The following EXOC4 variants were observed in gnomAD, a reference collection of about 807,000 sequenced individuals.
The protein encoded by EXOC4 is exocyst complex component 4, also known as SEC8-like 1.
Under a neutral mutation model 107.2 loss-of-function variants are expected in EXOC4, and 71 were observed. That is an observed-to-expected ratio of 0.66 (90% CI 0.55 to 0.81). The LOEUF (loss-of-function observed/expected upper bound fraction) is 0.81, where lower values mean the gene tolerates loss of function less well. EXOC4 is among the 30% of genes least tolerant of loss of function. EXOC4 has a pLI of 0.00. For synonymous variants in EXOC4, 456 were observed against 441.2 expected, an observed-to-expected ratio of 1.03 and a Z score of -0.42; for missense variants, 1,108 against 1,189.6, an observed-to-expected ratio of 0.93 and a Z score of 1.01.
intron 9 of EXOC4, among the ~76,000 whole-genome samples, chr7:133,585,058 CT>C (rs1301889097): frequency 6.6e-6 from 1 of 152,176 alleles, no homozygotes; most frequent in Admixed American, 6.5e-5. Flanking sequence ...AAATCTTAGG[CT>C]TCTGTCATTC....
intron 10 of EXOC4, among the ~76,000 whole-genome samples, chr7:133,813,128 C>T (rs991883637): frequency 6.6e-6 from 1 of 152,056 alleles, no homozygotes; most frequent in Non-Finnish European, 1.5e-5. Flanking sequence ...GATGTGTATG[C>T]TTTAAGGAAA....
intron 9 of EXOC4, chr7:133,576,941 T>G: frequency 9.0e-7 from 1 of 1,108,688 alleles, no homozygotes; most frequent in Non-Finnish European, 1.2e-6. Flanking sequence ...ACTGCATGTG[T>G]GTATGTGGGT....
chr7:133,542,278 G>A (rs1271019046), intron 9 of EXOC4, among the ~76,000 whole-genome samples: 5 of 151,276 alleles, frequency 3.3e-5, no homozygotes. Flanking sequence ...AGACAATCAT[G>A]TATAATTATG....
chr7:133,285,427 T>C (rs1483518368), intron 2 of EXOC4, among the ~76,000 whole-genome samples: 1 of 152,222 alleles, frequency 6.6e-6, no homozygotes, highest in Non-Finnish European at 1.5e-5. Flanking sequence ...TATTCTTTCC[T>C]CATACTTGAT....
At chr7:133,502,302 T>G (rs938596087) in intron 9 of EXOC4, among the ~76,000 whole-genome samples, 13 of 152,224 alleles carry the variant, frequency 8.5e-5, no homozygotes, top group Admixed American at 6.5e-4. Flanking sequence ...GTGGCCTATT[T>G]GCTATGCACA....
chr7:133,335,825 C>A (rs980133887), intron 5 of EXOC4, among the ~76,000 whole-genome samples: 1 of 152,196 alleles, frequency 6.6e-6, no homozygotes, highest in African/African-American at 2.4e-5. Context: ...CTACTTCTCT[C>A]TATCCTCATC....
chr7:133,821,258 T>G (rs1797514337), intron 11 of EXOC4, among the ~76,000 whole-genome samples: 1 of 152,160 alleles, frequency 6.6e-6, no homozygotes, highest in Non-Finnish European at 1.5e-5. Flanking sequence ...GTGGTATTCT[T>G]TTTATGAGGA....
intron 14 of EXOC4, among the ~76,000 whole-genome samples, chr7:133,946,117 T>C (rs1233190456): frequency 6.6e-6 from 1 of 152,242 alleles, no homozygotes; most frequent in Non-Finnish European, 1.5e-5. Context: ...ACCTTACATG[T>C]TTAGTTTCTC....
intron 14 of EXOC4, among the ~76,000 whole-genome samples, chr7:133,956,098 G>C (rs995493447): frequency 6.6e-6 from 1 of 152,228 alleles, no homozygotes; most frequent in Non-Finnish European, 1.5e-5. Context: ...GCAACTGGGG[G>C]CCATCAATTG....
At chr7:133,527,784 A>T (rs369257114) in intron 9 of EXOC4, among the ~76,000 whole-genome samples, 1 of 152,228 alleles carries the variant, frequency 6.6e-6, no homozygotes, top group Non-Finnish European at 1.5e-5. Flanking sequence ...CAAAACAGTC[A>T]TCAGTATTCC....
At chr7:133,774,001 A>G (rs7778582) in intron 10 of EXOC4, among the ~76,000 whole-genome samples, 18,025 of 152,058 alleles carry the variant, frequency 0.12, 1,146 homozygotes, top group Middle Eastern at 0.15. Flanking sequence ...AAAGATACAG[A>G]TTTTCAAAAC....
intron 5 of EXOC4, among the ~76,000 whole-genome samples, chr7:133,341,061 TC>T (rs1795649866): frequency 1.3e-5 from 2 of 152,166 alleles, no homozygotes; most frequent in African/African-American, 4.8e-5. Flanking sequence ...TTGGTTGTTT[TC>T]TGCAGCTGGG....
intron 10 of EXOC4, among the ~76,000 whole-genome samples, chr7:133,645,840 A>T (rs1207974169): frequency 6.6e-6 from 1 of 152,208 alleles, no homozygotes; most frequent in Admixed American, 6.5e-5. Context: ...TTTTGTGGTA[A>T]AGTTATGTAA....
At chr7:134,031,267 A>G (rs1431646936) in intron 17 of EXOC4, among the ~76,000 whole-genome samples, 14 of 152,238 alleles carry the variant, frequency 9.2e-5, no homozygotes, top group Non-Finnish European at 1.5e-5. Flanking sequence ...TTTGTATGGT[A>G]TGTGAATTAT....
In EXOC4 at chr7:133,407,845, C is replaced by T. The variant is rs186432681; in HGVS notation, c.1182+32843C>T. ...AGCTCCTAGATTTCTAGATGCACAC[C>T]TGGTGACACTTTTTTTTTGTCCTCT... On this transcript the variant is annotated intron_variant, in intron 7 of 17. Coordinates refer to ENST00000253861, the MANE Select transcript of EXOC4 (RefSeq NM_021807.4). Among the ~76,000 whole-genome samples, 8 of 152,230 alleles carry T rather than the reference C, an allele frequency of 5.3e-5. No homozygotes were observed. The East Asian group carries it at 1.5e-3, about 29-fold the overall frequency.
rs751231322 is a variant in EXOC4 at position 133,406,551 on chromosome 7, C to T, written c.1182+31549C>T. 4.7e-4 allele frequency among the ~76,000 whole-genome samples: 71 copies of T among 151,996 alleles called. 1 individual carries two copies. The highest frequency in any genetic ancestry group is 9.8e-4 in the Admixed American group (15 of 15,260). Reference sequence around the variant, plus strand: ...AGGTATGTATTTTTTGAAATTTCTTCGGATTCTTTCTGCCTTTTGCAATTT... The same window carrying T: ...AGGTATGTATTTTTTGAAATTTCTTTGGATTCTTTCTGCCTTTTGCAATTT... On this transcript the variant is annotated intron_variant, in intron 7 of 17. Coordinates refer to ENST00000253861, the MANE Select transcript of EXOC4 (RefSeq NM_021807.4).
intron 12 of EXOC4, among the ~76,000 whole-genome samples, chr7:133,896,874 A>G (rs71550636): frequency 2.4e-5 from 1 of 42,122 alleles, no homozygotes; most frequent in African/African-American, 4.3e-4. Flanking sequence ...CATGTTGGCC[A>G]GGCTGGTCGC....
chr7:133,907,071 G>A (rs1036112866), intron 12 of EXOC4, among the ~76,000 whole-genome samples: 1 of 152,174 alleles, frequency 6.6e-6, no homozygotes, highest in Non-Finnish European at 1.5e-5. Flanking sequence ...CTGGTAACAA[G>A]AACGGCCAAG....
At chr7:133,358,626 G>A (rs1226166758) in intron 6 of EXOC4, among the ~76,000 whole-genome samples, 2 of 152,124 alleles carry the variant, frequency 1.3e-5, no homozygotes, top group Non-Finnish European at 2.9e-5. Flanking sequence ...CTCTTTGCCT[G>A]TTGCTGCAAG....
Sources: allele counts gnomAD v4.1 joint callset (sites outside exome capture counted in the v4.1 genomes callset), GRCh38; gene constraint gnomAD v4.1.1; transcripts MANE v1.5; gene names NCBI Gene and HGNC (gene_info 2026-07-23, HGNC 2026-07-21).